Variants in CAMTA2 observed in about 807,000 individuals in gnomAD.
CAMTA2 encodes the protein calmodulin-binding transcription activator 2.
In CAMTA2, 56 loss-of-function variants were observed where a neutral mutation model predicts 135.7. The observed-to-expected ratio is 0.41, with a 90% CI of 0.33 to 0.52. The LOEUF is 0.52. Among genes scored for constraint, CAMTA2 ranks in the 20% least tolerant of loss-of-function variants. CAMTA2 has a pLI of 0.16. For synonymous variants in CAMTA2, 591 were observed against 604.6 expected (o/e 0.98, Z 0.33); for missense variants, 1,358 against 1,553.4 (o/e 0.87, Z 2.11).
At chr17:4,970,696 C>T (rs1363445247) in intron 16 of CAMTA2, among the ~76,000 whole-genome samples, 160 bp from the exon 17 acceptor site, 1 of 152,180 alleles carries the variant, frequency 6.6e-6, no homozygotes, top group Non-Finnish European at 1.5e-5. Flanking sequence ...GATGGGGCTC[C>T]CACTTGGGGG....
Position 4,977,094 on chromosome 17 carries a change from G to T in CAMTA2, c.1864C>A (p.Leu622Met). Residue 622 changes from leucine (L) to methionine (M), a missense_variant, in exon 11 of 23, where the codon CTG (leucine) becomes ATG (methionine). Coordinates refer to ENST00000348066, the MANE Select transcript of CAMTA2 (RefSeq NM_015099.4). ...AGCCAGTCAAGTTGAGTACTAGGCA[G>T]AGACAGGAATCGGCGGGCTCGATAC... ...FEYRARRFLSLPSTQLDWLSL... is the reference protein window; with the variant it reads ...FEYRARRFLSMPSTQLDWLSL... The T allele has an allele frequency of 1.9e-6, 3 of 1,614,162 alleles. No homozygotes were observed. The highest frequency in any genetic ancestry group is 2.5e-6 in the Non-Finnish European group (3 of 1,180,024).
chr17:4,978,651 C>A (rs1283032968), intron 9 of CAMTA2, 21 bp from the exon 10 acceptor site: 2 of 1,608,678 alleles, frequency 1.2e-6, no homozygotes, highest in South Asian at 2.2e-5. Context: ...AAGTCAGAGA[C>A]CATGTGACTG....
At chr17:4,986,988 C>A in intron 1 of CAMTA2, 1 of 1,467,028 alleles carries the variant, frequency 6.8e-7, no homozygotes, top group Admixed American at 2.6e-5. Flanking sequence ...CTGAGCCCCC[C>A]GCCCTCCTCG....
intron 11 of CAMTA2, among the ~76,000 whole-genome samples, chr17:4,976,643 G>A (rs1164791366): frequency 1.3e-5 from 2 of 152,212 alleles, no homozygotes; most frequent in African/African-American, 4.8e-5. Flanking sequence ...GGAGGTTGCA[G>A]TGACCTGAGA....
intron 11 of CAMTA2, among the ~76,000 whole-genome samples, chr17:4,975,386 CCAAA>C (rs1432212467): frequency 6.6e-6 from 1 of 151,690 alleles, no homozygotes; most frequent in African/African-American, 2.4e-5. Context: ...GGGAAAAGTG[CCAAA>C]CAAGCAGTAA....
chr17:4,973,643 G>A lies in CAMTA2; in HGVS notation c.2143C>T (p.Leu715=). ...TAGCCCTGGGCAGCAGCCAGGTGCA[G>A]AAGGCTCATGCCCCGGAAGGGGCTT... ...HGSPFRGMSL[L]HLAAAQGYAR... is the part of the protein sequence containing the mutation. The change falls in exon 13 of 23, where the codon CTG becomes TTG. Residue 715 remains leucine, a synonymous_variant. Transcript: ENST00000348066. The A allele has an allele frequency of 6.2e-7, 1 of 1,614,152 alleles. No homozygotes were observed.
chr17:4,973,089 T>A lies in CAMTA2; in HGVS notation c.2280+86A>T, dbSNP rs1972404005. 8 of 1,503,696 alleles carry A rather than the reference T, an allele frequency of 5.3e-6. No individual in the cohort carries two copies. In the Admixed American group the frequency reaches 1.3e-4, roughly 25 times the overall value. The allele number at this position is 1,503,696 out of a possible 1,614,324, so 93.1% of individuals were successfully genotyped here. A position where few individuals can be genotyped will look rare whatever the true frequency, so the allele number is the denominator to read the frequency against. On this transcript the variant is annotated intron_variant, in intron 14 of 22. Coordinates refer to ENST00000348066, the MANE Select transcript of CAMTA2 (RefSeq NM_015099.4). ...GTCTTCAGGCCCCAGCCCACCCCACTCCCTGCATTCCTCAGGATCTTCCTT... is the reference window on the plus strand; with the variant it reads ...GTCTTCAGGCCCCAGCCCACCCCACACCCTGCATTCCTCAGGATCTTCCTT...
In CAMTA2 at chr17:4,969,185, GGGA is replaced by G. The variant is rs1972103056; in HGVS notation, c.3432_3434del (p.Pro1145del). On this transcript the variant is annotated inframe_deletion, in exon 21 of 23. Transcript: ENST00000348066. The surrounding 1 kb of genome is among the most constrained non-coding windows in gnomAD (Gnocchi z 5.6). ...CAGGCAGGGTGGCCGAAGTCCGGTG[GGGA>G]GGGCCGGGCCTGCGGCGGTAGGAGC... 2.5e-6 allele frequency: 4 copies of G among 1,610,854 alleles called. No homozygotes were observed. In the South Asian group the frequency reaches 4.4e-5, roughly 18 times the overall value.
chr17:4,984,067 C>G (rs991455573), intron 3 of CAMTA2, among the ~76,000 whole-genome samples: 8 of 152,192 alleles, frequency 5.3e-5, no homozygotes, highest in African/African-American at 1.9e-4. Context: ...TCTCCTGCCT[C>G]AGCCTCCTGA....
chr17:4,982,654 G>A, intron 5 of CAMTA2, 103 bp downstream of exon 5: 2 of 1,266,272 alleles, frequency 1.6e-6, no homozygotes, highest in South Asian at 2.7e-5. Flanking sequence ...ACTGGGAGGG[G>A]ACTGAGGTGG....
At chr17:4,982,320 C>T in intron 5 of CAMTA2, 160 bp from the exon 6 acceptor site, 6 of 637,088 alleles carry the variant, frequency 9.4e-6, no homozygotes. Flanking sequence ...GAATCCCAGC[C>T]ACCCTGAGTC....
chr17:4,976,952 A>G (rs991648493), intron 11 of CAMTA2, 106 bp downstream of exon 11: 23 of 1,104,772 alleles, frequency 2.1e-5, no homozygotes, highest in South Asian at 7.4e-5. Flanking sequence ...AAAAAATGGT[A>G]AAGTGGGGGC....
At chr17:4,972,174 G>A (rs775989350) in intron 16 of CAMTA2, 58 bp downstream of exon 16, 25 of 1,407,786 alleles carry the variant, frequency 1.8e-5, no homozygotes, top group East Asian at 1.1e-4. Flanking sequence ...CATGGAAGTC[G>A]GCCTCACCCT....
At position 4,969,356 on chromosome 17, in the gene CAMTA2, G is replaced by C; in HGVS notation, c.3283-19C>G. On this transcript the variant is annotated intron_variant, in intron 20 of 22. Transcript: ENST00000348066. This position sits in a 1 kb window ranked among gnomAD's most constrained non-coding sequence, Gnocchi z 5.6. ...GTGCAAACTGCAGGGGTGGGGAGGA[G>C]GGACAGGGGCTGAAATAGAGGGACG... is the stretch of plus-strand genomic sequence containing the variant. The C allele has an allele frequency of 1.2e-6, 2 of 1,613,132 alleles. No homozygotes were observed. The highest frequency in any genetic ancestry group is 8.5e-7 in the Non-Finnish European group (1 of 1,179,220).
Position 4,968,666 on chromosome 17 carries a change from C to T in CAMTA2, c.*90G>A, listed in dbSNP as rs933255984. 3.4e-6 allele frequency: 5 copies of T among 1,483,538 alleles called. No homozygotes were observed. In the Admixed American group the frequency reaches 8.6e-5, roughly 26 times the overall value. The allele number at this position is 1,483,538 out of a possible 1,614,324, so 91.9% of individuals were successfully genotyped here. A position where few individuals can be genotyped will look rare whatever the true frequency, so the allele number is the denominator to read the frequency against. ...CCAACAAAGGTGAACAGGAAAGCTG[C>T]CGACAGGGGCTCCCCCTGCCCCAGA... is the stretch of plus-strand genomic sequence containing the variant. On this transcript the variant is annotated 3_prime_UTR_variant, in exon 23 of 23. Transcript: ENST00000348066.
rs769089277 is a variant in CAMTA2, at chr17:4,970,372, A to G, written c.2973T>C (p.Asn991=). Reference sequence around the variant, plus strand: ...GGGTTGAGCTGGGGAAATGGTCCACATTCTCCAGGTAGCTGGCCAGCCAGG... The same window carrying G: ...GGGTTGAGCTGGGGAAATGGTCCACGTTCTCCAGGTAGCTGGCCAGCCAGG... ...TMSWLASYLE[N]VDHFPSSTPP... The change falls in exon 17 of 23, where the codon AAT becomes AAC. Residue 991 remains asparagine (N), a synonymous_variant. Transcript: ENST00000348066. 3 of 1,614,192 alleles carry G rather than the reference A, an allele frequency of 1.9e-6. No homozygotes were observed. The highest frequency in any genetic ancestry group is 1.1e-5 in the South Asian group (1 of 91,084).
At position 4,982,843 on chromosome 17, in the gene CAMTA2, G is replaced by A; in HGVS notation, c.253C>T (p.Arg85Trp). Residue 85 changes from arginine to tryptophan, a missense_variant, in exon 5 of 23, where the codon CGG becomes TGG. Transcript: ENST00000348066. ...ILYNRKKVKYRKDGYLWKKRK... is the reference protein window; with the variant it reads ...ILYNRKKVKYWKDGYLWKKRK... Reference sequence around the variant, plus strand: ...TTCTTCCAGAGGTAACCATCCTTCCGATATTTCACCTTCTTGCGATTGTAG... The same window carrying A: ...TTCTTCCAGAGGTAACCATCCTTCCAATATTTCACCTTCTTGCGATTGTAG... 2 of 1,614,114 alleles carry A rather than the reference G, an allele frequency of 1.2e-6. No individual in the cohort carries two copies. Among genetic ancestry groups the A allele is most frequent in the Non-Finnish European group, 1.7e-6 (2 of 1,180,038 alleles).
intron 7 of CAMTA2, 61 bp downstream of exon 7, chr17:4,981,617 C>T: frequency 2.0e-6 from 3 of 1,512,000 alleles, no homozygotes; most frequent in Non-Finnish European, 2.7e-6. Context: ...GAACCATGGC[C>T]CCTCTGGGAG....
chr17:4,979,392 C>T (rs1305645909), intron 9 of CAMTA2: 2 of 225,420 alleles, frequency 8.9e-6, no homozygotes, highest in Non-Finnish European at 1.7e-5. Flanking sequence ...CACCTGTAAT[C>T]CCAGCTACTC....
Sources: gnomAD v4.1 joint callset for allele counts (sites outside exome capture counted in the v4.1 genomes callset) on GRCh38, gnomAD v4.1.1 for gene constraint, Gnocchi (gnomAD v3.1) non-coding constraint, MANE v1.5 for transcripts, NCBI Gene and HGNC (gene_info 2026-07-23, HGNC 2026-07-21) for gene names.